SLC5A9: variants seen among roughly 807,000 people sequenced by gnomAD.
SLC5A9 encodes the protein solute carrier family 5 member 9.
In SLC5A9, 59 loss-of-function variants were observed where a neutral mutation model predicts 70.9. That is an observed-to-expected ratio of 0.83 (90% CI 0.68 to 1.03). The LOEUF (loss-of-function observed/expected upper bound fraction) is 1.03. Ranked by LOEUF, SLC5A9 falls within the 50% of genes least tolerant of loss-of-function variation. The pLI is 0.00. For missense variants in SLC5A9, 832 were observed against 881.1 expected (o/e 0.94, Z 0.71); for synonymous variants, 340 against 346.5 (o/e 0.98, Z 0.21).
At chr1:48,243,157 C>A (rs971960588) in intron 13 of SLC5A9, among the ~76,000 whole-genome samples, 2 of 152,106 alleles carry the variant, frequency 1.3e-5, no homozygotes, top group Non-Finnish European at 2.9e-5. Context: ...AAACCCCTTA[C>A]CCATGTCCCC....
intron 13 of SLC5A9, among the ~76,000 whole-genome samples, chr1:48,244,910 A>G (rs1205043604): frequency 1.8e-5 from 2 of 110,624 alleles, no homozygotes; most frequent in Non-Finnish European, 3.6e-5. Flanking sequence ...ATATATATAT[A>G]AAACCTCTGT....
Position 48,242,420 on chromosome 1 carries a change from C to T in SLC5A9, c.1678-37C>T, listed in dbSNP as rs200359790. ...TGTTCTTCTACAGCATGACTTCTCT[C>T]CAAGGCAACTGACTCCAGTGTCTTC... On this transcript the variant is annotated intron_variant, in intron 12 of 13. Coordinates refer to ENST00000438567, the MANE Select transcript of SLC5A9 (RefSeq NM_001011547.3). The T allele has an allele frequency of 1.9e-6, 3 of 1,552,440 alleles. No individual in the cohort carries two copies. In the African/African-American group the frequency reaches 4.1e-5, roughly 21 times the overall value.
intron 13 of SLC5A9, among the ~76,000 whole-genome samples, chr1:48,244,909 T>TAA (rs1644443019): frequency 8.7e-6 from 1 of 114,548 alleles, no homozygotes; most frequent in African/African-American, 3.2e-5. Context: ...TATATATATA[T>TAA]AAAACCTCTG....
intron 12 of SLC5A9, chr1:48,240,383 C>G (rs1386379196): frequency 6.6e-6 from 1 of 152,212 alleles, no homozygotes; most frequent in Non-Finnish European, 1.5e-5. Flanking sequence ...AATATAGTCA[C>G]ATTCTGAGGT....
rs1227877576 is a variant in SLC5A9, at chr1:48,243,033, GCACGGAAGTCCCTT to G, written c.1837+421_1837+434del. Among the ~76,000 whole-genome samples the G allele has an allele frequency of 7.2e-5, 11 of 152,174 alleles. 1 individual carries two copies. Among genetic ancestry groups the G allele is most frequent in the Admixed American group, 7.2e-4 (11 of 15,294 alleles). ...CTCTTTATCCTTCCCAAATCTACCA[GCACGGAAGTCCCTT>G]CACCTCCCCTAGGTTGAATGAGTAC... is the stretch of plus-strand genomic sequence containing the variant. On this transcript the variant is annotated intron_variant, in intron 13 of 13. Transcript: ENST00000438567.
In SLC5A9 at chr1:48,244,736, A is replaced by G. The variant is rs184032463; in HGVS notation, c.1837+2120A>G. On this transcript the variant is annotated intron_variant, in intron 13 of 13. Transcript: ENST00000438567. ...AATATATATATATATAAAATATATA[A>G]TATATATAAATTATATTTATATTAT... 1.4e-4 allele frequency among the ~76,000 whole-genome samples: 3 copies of G among 22,014 alleles called. No individual in the cohort carries two copies. In the East Asian group the frequency reaches 6.7e-3, roughly 49 times the overall value. The allele number at this position is 22,014 out of a possible 152,430, so 14.4% of individuals were successfully genotyped here.
In SLC5A9 at chr1:48,232,054, T is replaced by A. The variant is rs902192147; in HGVS notation, c.800T>A (p.Phe267Tyr). The A allele has an allele frequency of 6.2e-7, 1 of 1,614,042 alleles. No individual in the cohort carries two copies. Among genetic ancestry groups the A allele is most frequent in the African/African-American group, 1.3e-5 (1 of 74,932 alleles). ...TGTCACCTCCCACGGCCCGATGCTT[T>A]CCACATTCTTCGGGACCCTGTGAGC... is the stretch of plus-strand genomic sequence containing the variant. ...TTCHLPRPDA[F>Y]HILRDPVSGD... The change falls in exon 7 of 14, where the codon TTC (phenylalanine) becomes TAC (tyrosine). Residue 267 changes from phenylalanine (F) to tyrosine (Y), a missense_variant. Phe to Tyr is a conservative substitution (Grantham distance 22). Transcript: ENST00000438567.
intron 2 of SLC5A9, chr1:48,228,554 C>G (rs1272048319): frequency 7.9e-6 from 3 of 377,522 alleles, no homozygotes; most frequent in Non-Finnish European, 1.5e-5. Context: ...GAGGTCCACA[C>G]TCCCCACTTC....
intron 13 of SLC5A9, among the ~76,000 whole-genome samples, chr1:48,243,069 G>A (rs1035415624): frequency 2.0e-5 from 3 of 152,066 alleles, no homozygotes; most frequent in Non-Finnish European, 4.4e-5. Context: ...GGTTGAATGA[G>A]TACAAGGGCA....
chr1:48,237,910 A>T (rs1569854173), intron 11 of SLC5A9, 63 bp downstream of exon 11: 1 of 1,545,012 alleles, frequency 6.5e-7, no homozygotes, highest in South Asian at 1.2e-5. Flanking sequence ...TCTGTCAATC[A>T]CCTGGTCTCT....
In SLC5A9 at chr1:48,229,603, A is replaced by G; in HGVS notation, c.504+144A>G. On this transcript the variant is annotated intron_variant, in intron 4 of 13. Transcript: ENST00000438567. The stretch of plus-strand genomic sequence containing the variant: ...AGCAGGACCTATAAACATTTAATGC[A>G]TGTTCTGCCTCAGCACTGGGGTACT... 1.3e-5 allele frequency: 18 copies of G among 1,352,438 alleles called. 1 individual carries two copies. The South Asian group carries it at 1.9e-4, about 14-fold the overall frequency. The allele number at this position is 1,352,438 out of a possible 1,614,324, so 83.8% of individuals were successfully genotyped here.
chr1:48,225,896 TCA>T (rs1484088439), intron 2 of SLC5A9, among the ~76,000 whole-genome samples: 1 of 151,998 alleles, frequency 6.6e-6, no homozygotes, highest in African/African-American at 2.4e-5. Flanking sequence ...TCATGCGCAC[TCA>T]CACCACCAGC....
chr1:48,233,612 G>A, intron 8 of SLC5A9, 43 bp from the exon 9 acceptor site: 1 of 1,510,338 alleles, frequency 6.6e-7, no homozygotes. Context: ...AACCTGAGAA[G>A]GCACGAGATC....
intron 13 of SLC5A9, among the ~76,000 whole-genome samples, chr1:48,244,755 A>C (rs1474075176): frequency 1.7e-4 from 23 of 134,298 alleles, no homozygotes; most frequent in African/African-American, 6.6e-4. Context: ...AATTATATTT[A>C]TATTATATAT....
chr1:48,227,445 T>TGTGATTGC (rs374829207), intron 2 of SLC5A9, among the ~76,000 whole-genome samples: 1 of 79,794 alleles, frequency 1.3e-5, no homozygotes, highest in Non-Finnish European at 3.0e-5. Context: ...TGTGTGTGTG[T>TGTGATTGC]ATGTGTGAGA....
chr1:48,242,307 C>T, intron 12 of SLC5A9, 150 bp from the exon 13 acceptor site: 1 of 848,390 alleles, frequency 1.2e-6, no homozygotes, highest in East Asian at 2.5e-5. Context: ...GAAGTCAGGG[C>T]TGAGATCCGG....
At position 48,237,765 on chromosome 1, in the gene SLC5A9, T is replaced by A. The variant is rs763462831; in HGVS notation, c.1379T>A (p.Ile460Asn). The change falls in exon 11 of 14, where the codon ATC becomes AAC. Residue 460 changes from isoleucine (I) to asparagine (N), a missense_variant. By Grantham distance (149) the Ile-to-Asn change is moderately radical. Coordinates refer to ENST00000438567, the MANE Select transcript of SLC5A9 (RefSeq NM_001011547.3). ...SSNSGQLFDYIQAVTSYLAPP... is the reference protein window; with the variant it reads ...SSNSGQLFDYNQAVTSYLAPP... ...AACAGTGGGCAGCTCTTCGACTACA[T>A]CCAGGCTGTCACCAGTTACCTGGCC... 1 of 1,614,100 alleles carries A rather than the reference T, an allele frequency of 6.2e-7. No homozygotes were observed. Among genetic ancestry groups the A allele is most frequent in the South Asian group, 1.1e-5 (1 of 91,076 alleles).
In SLC5A9 at chr1:48,229,337, G is replaced by A. The variant is rs777583677; in HGVS notation, c.382G>A (p.Val128Met). 2 of 1,614,068 alleles carry A rather than the reference G, an allele frequency of 1.2e-6. No individual in the cohort carries two copies. Among genetic ancestry groups the A allele is most frequent in the East Asian group, 2.2e-5 (1 of 44,868 alleles). ...LLALGWVFVP[V>M]YIAAGVVTMP... is the part of the protein sequence containing the mutation. Reference sequence around the variant, plus strand: ...GGCCCTTGGCTGGGTCTTCGTCCCTGTGTACATCGCAGCAGGTGTGGTCAC... The same window carrying A: ...GGCCCTTGGCTGGGTCTTCGTCCCTATGTACATCGCAGCAGGTGTGGTCAC... The change falls in exon 4 of 14, where the codon GTG (valine) becomes ATG (methionine). Residue 128 changes from valine (V) to methionine (M), a missense_variant. Transcript: ENST00000438567.
At chr1:48,224,696 A>T in intron 1 of SLC5A9, 28 bp from the exon 2 acceptor site, 2 of 1,541,816 alleles carry the variant, frequency 1.3e-6, no homozygotes, top group South Asian at 1.1e-5. Context: ...GTCTTGAGAA[A>T]TCCTCATCTC....
Sources: allele counts gnomAD v4.1 joint callset (sites outside exome capture counted in the v4.1 genomes callset), GRCh38; gene constraint gnomAD v4.1.1; transcripts MANE v1.5; gene names NCBI Gene and HGNC (gene_info 2026-07-23, HGNC 2026-07-21).